NBEA: variants seen among roughly 807,000 people sequenced by gnomAD.
NBEA encodes the protein lysosomal-trafficking regulator 2.
Under a neutral mutation model 343.4 loss-of-function variants are expected in NBEA, and 44 were observed. The observed-to-expected ratio is 0.13, with a 90% confidence interval of 0.10 to 0.16. The LOEUF (loss-of-function observed/expected upper bound fraction) is 0.16. Ranked by LOEUF, NBEA falls within the 10% of genes least tolerant of loss-of-function variation. NBEA has a pLI of 1.00. For synonymous variants in NBEA, 1,175 were observed against 1,238.7 expected (o/e 0.95, Z 1.08); for missense variants, 2,555 against 3,631.3 (o/e 0.70, Z 7.62).
chr13:35,615,352 T>A (rs1396459935), intron 48 of NBEA, among the ~76,000 whole-genome samples: 3 of 150,448 alleles, frequency 2.0e-5, no homozygotes, highest in Non-Finnish European at 4.4e-5. Flanking sequence ...GGTAAAAATA[T>A]ATTTTTTTTG....
At chr13:35,176,576 G>GAAAT (rs2070917065) in intron 27 of NBEA, among the ~76,000 whole-genome samples, 1 of 151,984 alleles carries the variant, frequency 6.6e-6, no homozygotes. Context: ...GATAGACCAT[G>GAAAT]AAATGGTTAC....
At chr13:34,999,393 T>G (rs2061047531) in intron 1 of NBEA, among the ~76,000 whole-genome samples, 1 of 152,116 alleles carries the variant, frequency 6.6e-6, no homozygotes, top group South Asian at 2.1e-4. Flanking sequence ...AATACTCTCT[T>G]TACCCCCTTA....
At chr13:34,978,999 A>G (rs553436086) in intron 1 of NBEA, among the ~76,000 whole-genome samples, 1 of 152,352 alleles carries the variant, frequency 6.6e-6, no homozygotes, top group South Asian at 2.1e-4. Flanking sequence ...ATTATCAGGT[A>G]GAGAGATGGC....
chr13:35,496,498 G>A (rs946562603), intron 41 of NBEA, among the ~76,000 whole-genome samples: 5 of 151,738 alleles, frequency 3.3e-5, no homozygotes, highest in African/African-American at 9.7e-5. Flanking sequence ...GCCAGGCATA[G>A]TGGTGCACAC....
chr13:35,478,443 G>T (rs995159514), intron 41 of NBEA, among the ~76,000 whole-genome samples: 7 of 152,210 alleles, frequency 4.6e-5, no homozygotes, highest in African/African-American at 1.7e-4. Flanking sequence ...ACGACGGCGA[G>T]GATGTGCAGT....
intron 47 of NBEA, among the ~76,000 whole-genome samples, chr13:35,594,360 A>G (rs757716151): frequency 3.3e-5 from 5 of 152,124 alleles, no homozygotes; most frequent in African/African-American, 4.8e-5. Flanking sequence ...AACATTTGTA[A>G]AAGGCAATTT....
intron 38 of NBEA, among the ~76,000 whole-genome samples, chr13:35,359,463 A>G (rs1180292783): frequency 6.6e-6 from 1 of 152,160 alleles, no homozygotes; most frequent in African/African-American, 2.4e-5. Flanking sequence ...ATATATGTTC[A>G]ATATGAAGGA....
intron 49 of NBEA, among the ~76,000 whole-genome samples, chr13:35,640,978 A>C (rs536022517): frequency 3.8e-4 from 58 of 152,176 alleles, no homozygotes; most frequent in African/African-American, 1.3e-3. Context: ...AGTTCAATAA[A>C]TATTCAGCAA....
chr13:35,295,123 T>A (rs1373792034), intron 35 of NBEA, among the ~76,000 whole-genome samples: 1 of 148,104 alleles, frequency 6.8e-6, no homozygotes, highest in African/African-American at 2.4e-5. Context: ...ATATTTAATA[T>A]ATAAATATAA....
At chr13:35,320,882 C>T (rs957404881) in intron 36 of NBEA, among the ~76,000 whole-genome samples, 2 of 151,732 alleles carry the variant, frequency 1.3e-5, no homozygotes, top group African/African-American at 4.8e-5. Flanking sequence ...TTGATGTATT[C>T]GGCTATTGAT....
Position 35,118,462 on chromosome 13 carries a change from G to A in NBEA, c.2231G>A (p.Arg744Lys). The A allele has an allele frequency of 6.3e-7, 1 of 1,597,252 alleles. No homozygotes were observed. The highest frequency in any genetic ancestry group is 8.5e-7 in the Non-Finnish European group (1 of 1,170,968). The change falls in exon 16 of 59, where the codon AGA becomes AAA. Residue 744 changes from arginine to lysine, a missense_variant. By Grantham distance (26) the Arg-to-Lys change is conservative (BLOSUM62 2). Coordinates refer to ENST00000379939, the MANE Select transcript of NBEA (RefSeq NM_001385012.1). ...PASMIPAFDQ[R>K]NGIRVIYKLL... ...TCAATGATACCAGCATTTGATCAAA[G>A]AAATGGAATAAGGTATGATTATAAT...
At chr13:34,953,379 C>T (rs977178793) in intron 1 of NBEA, among the ~76,000 whole-genome samples, 2 of 152,088 alleles carry the variant, frequency 1.3e-5, no homozygotes, top group African/African-American at 4.8e-5. Flanking sequence ...TATGAGTTAT[C>T]AGTACAAGAA....
chr13:35,582,556 C>G (rs2081103881), intron 45 of NBEA, among the ~76,000 whole-genome samples: 1 of 152,028 alleles, frequency 6.6e-6, no homozygotes, highest in African/African-American at 2.4e-5. Flanking sequence ...TACTGTCATA[C>G]TTTGTTTTAC....
chr13:34,968,746 T>C (rs987346473), intron 1 of NBEA, among the ~76,000 whole-genome samples: 2 of 152,172 alleles, frequency 1.3e-5, no homozygotes, highest in Admixed American at 6.6e-5. Flanking sequence ...TTTGCTGATA[T>C]GATACTATTT....
intron 36 of NBEA, among the ~76,000 whole-genome samples, chr13:35,328,412 A>G (rs1250195187): frequency 6.6e-6 from 1 of 151,960 alleles, no homozygotes; most frequent in Non-Finnish European, 1.5e-5. Context: ...AAAAAAATAG[A>G]AAGAAGGAAT....
intron 1 of NBEA, among the ~76,000 whole-genome samples, chr13:35,006,064 G>C (rs1331477365): frequency 6.6e-6 from 1 of 152,182 alleles, no homozygotes; most frequent in African/African-American, 2.4e-5. Context: ...ATATCTATCT[G>C]TCCAGTTTGC....
intron 39 of NBEA, among the ~76,000 whole-genome samples, chr13:35,436,883 A>C (rs892173576): frequency 5.3e-5 from 8 of 152,216 alleles, no homozygotes; most frequent in Non-Finnish European, 1.2e-4. Flanking sequence ...AAGTATTTGA[A>C]TTAGTTATCA....
chr13:35,137,387 T>C (rs1482629725), intron 17 of NBEA, among the ~76,000 whole-genome samples: 2 of 151,898 alleles, frequency 1.3e-5, no homozygotes, highest in African/African-American at 4.8e-5. Flanking sequence ...GAGGCGGAGC[T>C]TGCAGTAAGC....
intron 34 of NBEA, among the ~76,000 whole-genome samples, chr13:35,278,929 C>T (rs2034843092): frequency 6.6e-6 from 1 of 151,976 alleles, no homozygotes; most frequent in African/African-American, 2.4e-5. Context: ...ATTTTATGAA[C>T]ACTGAAATTT....
Sources: gnomAD v4.1 joint callset for allele counts (sites outside exome capture counted in the v4.1 genomes callset) on GRCh38, gnomAD v4.1.1 for gene constraint, MANE v1.5 for transcripts, NCBI Gene and HGNC (gene_info 2026-07-23, HGNC 2026-07-21) for gene names.